MCTP1: variants seen among roughly 807,000 people sequenced by gnomAD.
MCTP1 encodes the protein multiple C2 and transmembrane domain containing 1, also known as multiple C2 and transmembrane domain-containing protein 1.
In MCTP1, 69 loss-of-function variants were observed where a neutral mutation model predicts 120.6. That is an observed-to-expected ratio of 0.57 (90% CI 0.47 to 0.70). The LOEUF is 0.70. MCTP1 is among the 30% of genes least tolerant of loss of function. MCTP1 has a pLI of 0.00. For missense variants in MCTP1, 1,203 were observed against 1,248.8 expected, an observed-to-expected ratio of 0.96 and a Z score of 0.55; for synonymous variants, 529 against 493.1, an observed-to-expected ratio of 1.07 and a Z score of -0.96.
At chr5:94,960,310 A>G (rs1188885070) in intron 2 of MCTP1, among the ~76,000 whole-genome samples, 1 of 152,234 alleles carries the variant, frequency 6.6e-6, no homozygotes, top group Non-Finnish European at 1.5e-5. Flanking sequence ...CTAAAATTAT[A>G]AAAACCCTAG....
At chr5:95,063,909 C>T (rs892955656) in intron 1 of MCTP1, among the ~76,000 whole-genome samples, 3 of 152,118 alleles carry the variant, frequency 2.0e-5, no homozygotes, top group Admixed American at 2.0e-4. Context: ...TATAACAAGT[C>T]AAATAACTCC....
intron 5 of MCTP1, among the ~76,000 whole-genome samples, chr5:94,937,895 G>C (rs1816603813): frequency 1.3e-5 from 2 of 151,916 alleles, no homozygotes; most frequent in African/African-American, 4.8e-5. Flanking sequence ...AGATGGTCTG[G>C]GAATACACAG....
chr5:95,050,454 A>G (rs1247937801), intron 1 of MCTP1, among the ~76,000 whole-genome samples: 1 of 152,170 alleles, frequency 6.6e-6, no homozygotes, highest in Non-Finnish European at 1.5e-5. Flanking sequence ...TGTGGGGATG[A>G]GAGTAGAAAT....
intron 1 of MCTP1, among the ~76,000 whole-genome samples, chr5:95,131,774 T>A (rs1759064827): frequency 6.6e-6 from 1 of 152,168 alleles, no homozygotes; most frequent in South Asian, 2.1e-4. Context: ...GTTCCCAGAG[T>A]AGTCATTCAA....
At chr5:94,878,961 A>G (rs141775375) in intron 12 of MCTP1, among the ~76,000 whole-genome samples, 1 of 152,178 alleles carries the variant, frequency 6.6e-6, no homozygotes, top group African/African-American at 2.4e-5. Flanking sequence ...TGAGCAAAGA[A>G]CTGAAGGGGG....
intron 1 of MCTP1, among the ~76,000 whole-genome samples, chr5:95,177,620 A>C (rs770968325): frequency 9.2e-5 from 14 of 152,238 alleles, no homozygotes; most frequent in Non-Finnish European, 1.9e-4. Flanking sequence ...GCTGAATAAC[A>C]GACATGCAGT....
chr5:94,953,906 C>CAT (rs1227200716), intron 2 of MCTP1, among the ~76,000 whole-genome samples: 1 of 73,574 alleles, frequency 1.4e-5, no homozygotes, highest in African/African-American at 6.7e-5. Flanking sequence ...TATATATATG[C>CAT]ATATATATAC....
Position 95,215,711 on chromosome 5 carries a change from T to C in MCTP1, c.720+68145A>G, listed in dbSNP as rs538281715. Among the ~76,000 whole-genome samples, 6 of 152,280 alleles carry C rather than the reference T, an allele frequency of 3.9e-5. No individual in the cohort carries two copies. In the East Asian group the frequency reaches 1.2e-3, roughly 29 times the overall value. The stretch of plus-strand genomic sequence containing the variant: ...TGTTAGAGATGGAGCACCTATCTTG[T>C]AACCATAAGAAGGCCACAAAGAATA... On this transcript the variant is annotated intron_variant, in intron 1 of 22. Coordinates refer to ENST00000515393, the MANE Select transcript of MCTP1 (RefSeq NM_024717.7).
chr5:94,801,471 A>G (rs1781223383), intron 17 of MCTP1, among the ~76,000 whole-genome samples: 1 of 152,220 alleles, frequency 6.6e-6, no homozygotes, highest in Non-Finnish European at 1.5e-5. Flanking sequence ...TCTTCTAGAC[A>G]AGATTTTCTT....
intron 2 of MCTP1, among the ~76,000 whole-genome samples, chr5:95,010,063 C>T (rs1457133037): frequency 1.3e-5 from 2 of 152,086 alleles, no homozygotes; most frequent in Non-Finnish European, 2.9e-5. Context: ...GGGGCATAAC[C>T]ATTTTGATTT....
intron 17 of MCTP1, among the ~76,000 whole-genome samples, chr5:94,841,179 C>T (rs111975450): frequency 5.9e-5 from 9 of 152,122 alleles, no homozygotes; most frequent in Admixed American, 1.3e-4. Flanking sequence ...ACCCAGGGAA[C>T]GGAAACAGGA....
intron 1 of MCTP1, among the ~76,000 whole-genome samples, chr5:95,255,149 G>C (rs917778857): frequency 1.3e-5 from 2 of 152,158 alleles, no homozygotes; most frequent in Admixed American, 6.5e-5. Flanking sequence ...GGTTGCAGGA[G>C]TTTATGGGTT....
At chr5:95,167,531 T>C (rs1746580037) in intron 1 of MCTP1, among the ~76,000 whole-genome samples, 1 of 152,234 alleles carries the variant, frequency 6.6e-6, no homozygotes, top group African/African-American at 2.4e-5. Context: ...ACCAACAGTG[T>C]AAAAGTGTTC....
intron 17 of MCTP1, among the ~76,000 whole-genome samples, chr5:94,815,003 CCTT>C (rs1276922255): frequency 1.3e-5 from 2 of 152,168 alleles, no homozygotes; most frequent in Non-Finnish European, 2.9e-5. Context: ...AAATAAAACT[CCTT>C]AGCCCCACAT....
intron 1 of MCTP1, among the ~76,000 whole-genome samples, chr5:95,174,521 G>A (rs547914334): frequency 7.2e-5 from 11 of 152,288 alleles, no homozygotes; most frequent in African/African-American, 2.4e-4. Flanking sequence ...CAAATGGTGA[G>A]GTAGAATAGA....
At chr5:95,002,782 T>C (rs570920878) in intron 2 of MCTP1, among the ~76,000 whole-genome samples, 9 of 152,328 alleles carry the variant, frequency 5.9e-5, no homozygotes, top group African/African-American at 2.2e-4. Context: ...AATGCTGGAA[T>C]GAGTTAAGAC....
In MCTP1 at chr5:94,888,588, TAAC is replaced by T. The variant is rs534700645; in HGVS notation, c.1933+288_1933+290del. Among the ~76,000 whole-genome samples, 16 of 152,328 alleles carry T rather than the reference TAAC, an allele frequency of 1.1e-4. No homozygotes were observed. In the South Asian group the frequency reaches 3.1e-3, roughly 30 times the overall value. ...AAAGCATTGGTTCAATACCTGGAAA[TAAC>T]AATATCTGGAAGACGTATTCCTACT... is the stretch of plus-strand genomic sequence containing the variant. On this transcript the variant is annotated intron_variant, in intron 12 of 22. Coordinates refer to ENST00000515393, the MANE Select transcript of MCTP1 (RefSeq NM_024717.7).
At chr5:95,244,552 T>G (rs184208186) in intron 1 of MCTP1, among the ~76,000 whole-genome samples, 94 of 152,370 alleles carry the variant, frequency 6.2e-4, no homozygotes, top group African/African-American at 2.1e-3. Flanking sequence ...TGGCAGGTCC[T>G]ATGCCCACAG....
intron 1 of MCTP1, among the ~76,000 whole-genome samples, chr5:95,218,458 G>T (rs1451734759): frequency 6.6e-6 from 1 of 152,064 alleles, no homozygotes; most frequent in African/African-American, 2.4e-5. Flanking sequence ...ATCATTTTAG[G>T]TGGTAATGGT....
Sources: gnomAD v4.1 joint callset for allele counts (sites outside exome capture counted in the v4.1 genomes callset) on GRCh38, gnomAD v4.1.1 for gene constraint, MANE v1.5 for transcripts, NCBI Gene and HGNC (gene_info 2026-07-23, HGNC 2026-07-21) for gene names.